PIK3R6: variants seen among roughly 807,000 people sequenced by gnomAD.
PIK3R6 encodes phosphoinositide-3-kinase regulatory subunit 6.
In PIK3R6, 91 loss-of-function variants were observed where a neutral mutation model predicts 84.9. That is an observed-to-expected ratio of 1.07 (90% confidence interval 0.90 to 1.28). The LOEUF (loss-of-function observed/expected upper bound fraction) is 1.28, where lower values mean the gene tolerates loss of function less well. PIK3R6 is among the 50% of genes most tolerant of loss of function. The pLI is 0.00. For missense variants in PIK3R6, 996 were observed against 985.1 expected, an observed-to-expected ratio of 1.01 and a Z score of -0.15; for synonymous variants, 416 against 411.4, an observed-to-expected ratio of 1.01 and a Z score of -0.13.
chr17:8,827,741 GGGAGAGAGAGAGAGAGAGAGA>G (rs1257061350), intron 12 of PIK3R6, among the ~76,000 whole-genome samples: 4,806 of 112,316 alleles, frequency 0.043, 156 homozygotes, highest in Non-Finnish European at 0.06. Context: ...GGGAGGGAAG[GGGAGAGAGAGAGAGAGAGAGA>G]GGAGAGAGAG....
At chr17:8,829,819 C>T (rs774169166) in intron 9 of PIK3R6, 27 bp from the exon 10 acceptor site, 268 of 1,538,652 alleles carry the variant, frequency 1.7e-4, no homozygotes, top group Admixed American at 4.2e-4. Flanking sequence ...GCTGTGGAGG[C>T]CATGGAGGAG....
In PIK3R6 at chr17:8,823,481, G is replaced by A. The variant is rs761110506; in HGVS notation, c.1532C>T (p.Thr511Ile). 1.2e-5 allele frequency: 19 copies of A among 1,611,340 alleles called. No homozygotes were observed. The South Asian group carries it at 1.9e-4, about 16-fold the overall frequency. ...KLAEMPPSLD[T>I]SRTVDPFILD... ...GATGAAGGGGTCCACAGTCCGGGAT[G>A]TGTCCAGGGAAGGAGGCTGTGATGG... Residue 511 changes from threonine (T) to isoleucine (I), a missense_variant, in exon 14 of 20, where the codon ACA (threonine) becomes ATA (isoleucine). Thr to Ile is a moderately conservative substitution (Grantham distance 89). Coordinates refer to ENST00000619866, the MANE Select transcript of PIK3R6 (RefSeq NM_001010855.4).
Position 8,839,539 on chromosome 17 carries a change from T to G in PIK3R6, c.97+75A>C. 2.5e-6 allele frequency: 3 copies of G among 1,224,048 alleles called. No homozygotes were observed. 75.8% of individuals were successfully genotyped at this position (1,224,048 alleles called of 1,614,324 possible). A position where few individuals can be genotyped will look rare whatever the true frequency, so the allele number is the denominator to read the frequency against. ...TGAGCTCCAGGCCGGGGCTCTTTCCTGTATGCGCGTGTATTGTTGGCTGGG... is the reference window on the plus strand; with the variant it reads ...TGAGCTCCAGGCCGGGGCTCTTTCCGGTATGCGCGTGTATTGTTGGCTGGG... On this transcript the variant is annotated intron_variant, in intron 3 of 19. Transcript: ENST00000619866. This position sits in a 1 kb window ranked among gnomAD's most constrained non-coding sequence, Gnocchi z 4.2.
In PIK3R6 at chr17:8,839,221, G is replaced by A. The variant is rs917972553; in HGVS notation, c.97+393C>T. Among the ~76,000 whole-genome samples the A allele has an allele frequency of 6.6e-6, 1 of 152,102 alleles. No homozygotes were observed. Among genetic ancestry groups the A allele is most frequent in the African/African-American group, 2.4e-5 (1 of 41,400 alleles). On this transcript the variant is annotated intron_variant, in intron 3 of 19. Coordinates refer to ENST00000619866, the MANE Select transcript of PIK3R6 (RefSeq NM_001010855.4). This position sits in a 1 kb window ranked among gnomAD's most constrained non-coding sequence, Gnocchi z 4.2. ...AAATTAGCAGGGCATGGTGGCACAC[G>A]CCTGTAATCTCAGCTACTTGGGAGG...
chr17:8,816,110 G>A (rs2087531120), intron 18 of PIK3R6, among the ~76,000 whole-genome samples: 1 of 152,136 alleles, frequency 6.6e-6, no homozygotes, highest in African/African-American at 2.4e-5. Context: ...TGGGGAGGGG[G>A]TCAGTGAACC....
In PIK3R6 at chr17:8,839,649, A is replaced by T; in HGVS notation, c.62T>A (p.Leu21His). The T allele has an allele frequency of 1.9e-6, 3 of 1,579,716 alleles. No individual in the cohort carries two copies. The South Asian group carries it at 3.5e-5, about 18-fold the overall frequency. ...QRSVQAVLRE[L>H]STQAPALQSN... ...CTGCAGGGCAGGGGCCTGGGTGCTG[A>T]GCTCCCGGAGCACAGCCTGCACGCT... Residue 21 changes from leucine to histidine, a missense_variant, in exon 3 of 20, where the codon CTC becomes CAC. Transcript: ENST00000619866. This position sits in a 1 kb window ranked among gnomAD's most constrained non-coding sequence, Gnocchi z 4.2.
chr17:8,805,778 C>T (rs1288268074), intron 18 of PIK3R6, among the ~76,000 whole-genome samples: 6 of 152,202 alleles, frequency 3.9e-5, no homozygotes, highest in Non-Finnish European at 5.9e-5. Context: ...ATTAGCCAGG[C>T]GTAGTGGCGG....
chr17:8,861,136 C>T (rs867736681), intron 1 of PIK3R6, among the ~76,000 whole-genome samples: 2 of 148,516 alleles, frequency 1.3e-5, no homozygotes, highest in African/African-American at 2.5e-5. Context: ...GAGCCAAGAT[C>T]GCGCCACTGC....
chr17:8,823,286 G>A (rs2087803066), intron 14 of PIK3R6, 101 bp downstream of exon 14: 1 of 907,472 alleles, frequency 1.1e-6, no homozygotes, highest in African/African-American at 1.7e-5. Flanking sequence ...GCGTCTGGGT[G>A]TGTTCATGAT....
In PIK3R6 at chr17:8,828,769, C is replaced by T; in HGVS notation, c.1111G>A (p.Gly371Ser). 6 of 1,590,904 alleles carry T rather than the reference C, an allele frequency of 3.8e-6. No individual in the cohort carries two copies. Among genetic ancestry groups the T allele is most frequent in the Non-Finnish European group, 5.1e-6 (6 of 1,165,952 alleles). ...MERAGLQRKG[G>S]IKKRAWPLDF... ...AGGGGCCATGCACGCTTCTTGATGC[C>T]CCCTTTGCGCTGCAGCCCGGCTCGC... Residue 371 changes from glycine to serine, a missense_variant, in exon 11 of 20, where the codon GGC becomes AGC. By Grantham distance (56) the Gly-to-Ser change is moderately conservative. Coordinates refer to ENST00000619866, the MANE Select transcript of PIK3R6 (RefSeq NM_001010855.4).
intron 9 of PIK3R6, among the ~76,000 whole-genome samples, chr17:8,831,328 TAAAAAAAAAA>T (rs60650147): frequency 3.0e-5 from 1 of 33,076 alleles, no homozygotes; most frequent in Non-Finnish European, 5.0e-5. Flanking sequence ...AGACCCTGTC[TAAAAAAAAAA>T]AAAAAAAAAA....
intron 10 of PIK3R6, 95 bp downstream of exon 10, chr17:8,829,607 CACTG>C (rs2088156557): frequency 8.1e-7 from 1 of 1,240,130 alleles, no homozygotes; most frequent in African/African-American, 1.5e-5. Flanking sequence ...TGCATACACA[CACTG>C]ACACACGCAT....
At chr17:8,827,985 C>T in intron 12 of PIK3R6, 127 bp downstream of exon 12, 1 of 980,030 alleles carries the variant, frequency 1.0e-6, no homozygotes, top group Non-Finnish European at 1.5e-6. Flanking sequence ...TCTCTCCCGC[C>T]TCCACATTCT....
intron 2 of PIK3R6, among the ~76,000 whole-genome samples, chr17:8,848,844 T>A (rs1313179440): frequency 2.0e-5 from 3 of 151,982 alleles, no homozygotes; most frequent in Non-Finnish European, 4.4e-5. Flanking sequence ...GGATGGATGG[T>A]TGGATGGATG....
rs1333439107 is a variant in PIK3R6, at chr17:8,839,696, A to C, written c.15T>G (p.Asp5Glu). 1.1e-5 allele frequency: 18 copies of C among 1,569,426 alleles called. No homozygotes were observed. The highest frequency in any genetic ancestry group is 1.4e-5 in the Non-Finnish European group (16 of 1,156,688). ...CGCTCCTCTGGAGGTCCAGCTCCAC[A>C]TCTGGGCAGTGGTAGGGGTGGGAGG... The part of the protein sequence containing the change: MESS[D>E]VELDLQRSVQ... The change falls in exon 3 of 20, where the codon GAT (aspartate) becomes GAG (glutamate). Residue 5 changes from aspartate (D) to glutamate (E), a missense_variant and splice_region_variant. Asp to Glu is a conservative substitution (Grantham distance 45). Coordinates refer to ENST00000619866, the MANE Select transcript of PIK3R6 (RefSeq NM_001010855.4). This position sits in a 1 kb window ranked among gnomAD's most constrained non-coding sequence, Gnocchi z 4.2.
rs1344989803 is a variant in PIK3R6 at position 8,829,748 on chromosome 17, G to C, written c.847C>G (p.Pro283Ala). Residue 283 changes from proline to alanine, a missense_variant, in exon 10 of 20, where the codon CCC (proline) becomes GCC (alanine). By Grantham distance (27) the Pro-to-Ala change is conservative. Transcript: ENST00000619866. ...GTCCACAAGTGGAAGGTGATGTAGGGGCTGGGCAGGGGAATGCTTGGTGGC... is the reference window on the plus strand; with the variant it reads ...GTCCACAAGTGGAAGGTGATGTAGGCGCTGGGCAGGGGAATGCTTGGTGGC... ...ERPPSIPLPS[P>A]YITFHLWTGE... is the part of the protein sequence containing the mutation. 5.1e-6 allele frequency: 8 copies of C among 1,553,570 alleles called. No homozygotes were observed. Among genetic ancestry groups the C allele is most frequent in the South Asian group, 1.2e-5 (1 of 84,138 alleles).
At chr17:8,859,095 G>A (rs1567615424) in intron 1 of PIK3R6, among the ~76,000 whole-genome samples, 2 of 152,226 alleles carry the variant, frequency 1.3e-5, no homozygotes, top group Non-Finnish European at 2.9e-5. Flanking sequence ...ACTGATCAAT[G>A]AAAAGAGCAT....
At chr17:8,830,462 C>T (rs1194805966) in intron 9 of PIK3R6, among the ~76,000 whole-genome samples, 3 of 152,130 alleles carry the variant, frequency 2.0e-5, no homozygotes, top group African/African-American at 7.2e-5. Flanking sequence ...TCCGTATTCC[C>T]GTTTCACTTC....
intron 1 of PIK3R6, among the ~76,000 whole-genome samples, chr17:8,850,395 TTTTTAA>T (rs1370275604): frequency 6.6e-6 from 1 of 152,194 alleles, no homozygotes; most frequent in Non-Finnish European, 1.5e-5. Flanking sequence ...AAATGCCAAC[TTTTTAA>T]TATTAATATT....
Sources: allele counts gnomAD v4.1 joint callset (sites outside exome capture counted in the v4.1 genomes callset), GRCh38; gene constraint gnomAD v4.1.1; non-coding constraint Gnocchi (gnomAD v3.1); transcripts MANE v1.5; gene names NCBI Gene and HGNC (gene_info 2026-07-23, HGNC 2026-07-21).